HACD3: variants seen among roughly 807,000 people sequenced by gnomAD.
HACD3 encodes very-long-chain (3R)-3-hydroxyacyl-CoA dehydratase 3.
In HACD3, 30 loss-of-function variants were observed where a neutral mutation model predicts 55.2. That is an observed-to-expected ratio of 0.54 (90% CI 0.41 to 0.74). The LOEUF (loss-of-function observed/expected upper bound fraction) is 0.74, where lower values mean the gene tolerates loss of function less well. HACD3 is among the 30% of genes least tolerant of loss of function. The pLI, the probability that HACD3 is intolerant of heterozygous loss-of-function variation, is 0.00. For synonymous variants in HACD3, 141 were observed against 151.7 expected, an observed-to-expected ratio of 0.93 and a Z score of 0.52; for missense variants, 363 against 440.1, an observed-to-expected ratio of 0.82 and a Z score of 1.57.
At chr15:65,550,512 A>G (rs142563819) in intron 1 of HACD3, among the ~76,000 whole-genome samples, 16 of 152,382 alleles carry the variant, frequency 1.0e-4, no homozygotes, top group Middle Eastern at 3.4e-3. Context: ...TCAGTAGTCA[A>G]AAATCTTCCC....
rs754712949 is a variant in HACD3 at position 65,570,140 on chromosome 15, A to G, written c.710A>G (p.Glu237Gly). ...TTTATCATCTTTGGCACCATGGAAG[A>G]AATGCAGAACAAAGCTGTGGTTTTC... is the stretch of plus-strand genomic sequence containing the variant. ...ILFIIFGTME[E>G]MQNKAVVFFV... Residue 237 changes from glutamate (E) to glycine (G), a missense_variant, in exon 8 of 11, where the codon GAA becomes GGA. By Grantham distance (98) the Glu-to-Gly change is moderately conservative. Transcript: ENST00000261875. The G allele has an allele frequency of 1.7e-5, 27 of 1,613,156 alleles. No homozygotes were observed. Among genetic ancestry groups the G allele is most frequent in the Non-Finnish European group, 2.3e-5 (27 of 1,179,480 alleles).
At chr15:65,556,382 A>G (rs959286728) in intron 3 of HACD3, among the ~76,000 whole-genome samples, 1 of 152,136 alleles carries the variant, frequency 6.6e-6, no homozygotes, top group Non-Finnish European at 1.5e-5. Context: ...ACAATTCACA[A>G]TAGAGTTCAC....
In HACD3 at chr15:65,576,287, C is replaced by T. The variant is rs547990822; in HGVS notation, c.1013-16C>T. ...ACAAAGACTCTAATTTCTAATTGAC[C>T]TCTTTTCTTTTTCAGGTTTATACAT... On this transcript the variant is annotated splice_polypyrimidine_tract_variant and intron_variant, in intron 10 of 10. Coordinates refer to ENST00000261875, the MANE Select transcript of HACD3 (RefSeq NM_016395.4). The T allele has an allele frequency of 4.9e-5, 77 of 1,581,078 alleles. No individual in the cohort carries two copies. The South Asian group carries it at 8.0e-4, about 16-fold the overall frequency.
intron 1 of HACD3, among the ~76,000 whole-genome samples, chr15:65,534,733 G>T (rs1377291457): frequency 6.6e-6 from 1 of 152,066 alleles, no homozygotes; most frequent in East Asian, 1.9e-4. Flanking sequence ...TAGTGACCAT[G>T]ATTCACTTAA....
intron 1 of HACD3, among the ~76,000 whole-genome samples, chr15:65,537,409 C>T (rs995792953): frequency 7.2e-5 from 11 of 152,068 alleles, no homozygotes; most frequent in Non-Finnish European, 1.5e-4. Flanking sequence ...GACAGTCTGA[C>T]TCTTTTGTTA....
At chr15:65,561,658 G>C (rs1450028793) in intron 5 of HACD3, among the ~76,000 whole-genome samples, 1 of 152,068 alleles carries the variant, frequency 6.6e-6, no homozygotes, top group African/African-American at 2.4e-5. Context: ...GACCAAGTGG[G>C]TGGGTTTTTT....
intron 1 of HACD3, among the ~76,000 whole-genome samples, chr15:65,541,849 T>G (rs1329781677): frequency 2.0e-5 from 3 of 152,070 alleles, no homozygotes. Flanking sequence ...TATGAGCTGA[T>G]AAGGATTTAT....
intron 1 of HACD3, among the ~76,000 whole-genome samples, chr15:65,547,435 G>A (rs1303382088): frequency 1.3e-5 from 2 of 152,120 alleles, no homozygotes; most frequent in Admixed American, 1.3e-4. Flanking sequence ...GATTTTTATT[G>A]GGGCTTGTTA....
chr15:65,537,356 T>C (rs1279073392), intron 1 of HACD3, among the ~76,000 whole-genome samples: 2 of 152,146 alleles, frequency 1.3e-5, no homozygotes, highest in Non-Finnish European at 2.9e-5. Context: ...GGAGGACTTT[T>C]ATAGTTAGAG....
Position 65,572,217 on chromosome 15 carries a change from T to G in HACD3, c.881-18T>G, listed in dbSNP as rs751999304. The G allele has an allele frequency of 1.2e-6, 2 of 1,610,524 alleles. No individual in the cohort carries two copies. The highest frequency in any genetic ancestry group is 2.2e-5 in the East Asian group (1 of 44,836). On this transcript the variant is annotated intron_variant, in intron 9 of 10. Coordinates refer to ENST00000261875, the MANE Select transcript of HACD3 (RefSeq NM_016395.4). ...ACTGTTTCATTTGCTTCTAACAAGTTCTTGTTTCTGTTTTCAGCTGTCTCA... is the reference window on the plus strand; with the variant it reads ...ACTGTTTCATTTGCTTCTAACAAGTGCTTGTTTCTGTTTTCAGCTGTCTCA...
rs766254224 is a variant in HACD3, at chr15:65,564,329, C to CT, written c.649dup (p.Ser217PhefsTer39). On this transcript the variant is annotated frameshift_variant, in exon 7 of 11. Transcript: ENST00000261875. LOFTEE classifies it high-confidence loss of function. ...GGAGTCACTACGTCACCGGTGCTGC[C>CT]TTCTCTGATCCAGGTATTGAATAGT... 1 of 1,613,088 alleles carries CT rather than the reference C, an allele frequency of 6.2e-7. No homozygotes were observed. Among genetic ancestry groups the CT allele is most frequent in the African/African-American group, 1.3e-5 (1 of 74,890 alleles).
At chr15:65,571,444 C>A in intron 8 of HACD3, 104 bp from the exon 9 acceptor site, 2 of 799,612 alleles carry the variant, frequency 2.5e-6, no homozygotes, top group Non-Finnish European at 4.1e-6. Flanking sequence ...TCTGAAGAAG[C>A]CATGTGTGGC....
At chr15:65,551,891 G>T (rs1228761644) in intron 2 of HACD3, 173 bp downstream of exon 2, 11 of 605,514 alleles carry the variant, frequency 1.8e-5, no homozygotes, top group Admixed American at 3.5e-5. Flanking sequence ...AAAAGTCAAA[G>T]AATTGGTTTA....
At chr15:65,555,511 A>G (rs550658547) in intron 3 of HACD3, among the ~76,000 whole-genome samples, 4 of 152,286 alleles carry the variant, frequency 2.6e-5, no homozygotes, top group African/African-American at 7.2e-5. Context: ...AGAGAATCCA[A>G]TAGATGGGGT....
At chr15:65,539,210 CTTTTTTTTTTT>C (rs71139414) in intron 1 of HACD3, among the ~76,000 whole-genome samples, 2 of 54,310 alleles carry the variant, frequency 3.7e-5, no homozygotes, top group South Asian at 8.4e-4. Context: ...AGTGACAGGA[CTTTTTTTTTTT>C]TTTTTTTTTT....
intron 1 of HACD3, among the ~76,000 whole-genome samples, chr15:65,542,234 A>G (rs2072027355): frequency 7.1e-6 from 1 of 141,032 alleles, no homozygotes; most frequent in South Asian, 2.3e-4. Context: ...TCTCAAAAAA[A>G]AAAAAAAAAA....
Position 65,576,287 on chromosome 15 carries a change from CTCT to C in HACD3, c.1013-14_1013-12del, listed in dbSNP as rs1567342506. 6.3e-7 allele frequency: 1 copy of C among 1,581,078 alleles called. No homozygotes were observed. Among genetic ancestry groups the C allele is most frequent in the Admixed American group, 1.9e-5 (1 of 53,880 alleles). ...ACAAAGACTCTAATTTCTAATTGAC[CTCT>C]TTTCTTTTTCAGGTTTATACATAAA... is the stretch of plus-strand genomic sequence containing the variant. On this transcript the variant is annotated splice_polypyrimidine_tract_variant and intron_variant, in intron 10 of 10. Coordinates refer to ENST00000261875, the MANE Select transcript of HACD3 (RefSeq NM_016395.4).
chr15:65,556,676 CT>C (rs934032243), intron 3 of HACD3, 62 bp from the exon 4 acceptor site: 17 of 1,502,632 alleles, frequency 1.1e-5, no homozygotes, highest in Middle Eastern at 1.8e-4. Flanking sequence ...TACGGCGCCC[CT>C]GGCATGGTGC....
chr15:65,552,037 G>A (rs1022987551), intron 2 of HACD3: 3 of 255,134 alleles, frequency 1.2e-5, no homozygotes, highest in Non-Finnish European at 2.3e-5. Flanking sequence ...TGACTTCTCT[G>A]GACCTGTACA....
Sources: allele counts gnomAD v4.1 joint callset (sites outside exome capture counted in the v4.1 genomes callset), GRCh38; gene constraint gnomAD v4.1.1; transcripts MANE v1.5; gene names NCBI Gene and HGNC (gene_info 2026-07-23, HGNC 2026-07-21).